The following CHD1L variants were observed in gnomAD, a reference collection of about 807,000 sequenced individuals.
CHD1L encodes chromodomain helicase DNA binding protein 1 like.
A neutral mutation model predicts 115.9 loss-of-function variants in CHD1L; 118 were observed. The ratio of observed to expected loss-of-function variants is 1.02; its 90% CI spans 0.88 to 1.19. CHD1L has a LOEUF of 1.19. CHD1L is among the 50% of genes most tolerant of loss of function. The pLI is 0.00. For synonymous variants in CHD1L, 411 were observed against 387.1 expected, an observed-to-expected ratio of 1.06 and a Z score of -0.72; for missense variants, 1,179 against 1,065.3, an observed-to-expected ratio of 1.11 and a Z score of -1.49.
At chr1:147,290,492 TTGA>T (rs1353939857) in intron 19 of CHD1L, among the ~76,000 whole-genome samples, 2 of 152,178 alleles carry the variant, frequency 1.3e-5, no homozygotes, top group African/African-American at 2.4e-5. Flanking sequence ...GGGCAGGCAG[TTGA>T]TGAGCAGATG....
chr1:147,215,886 A>G, the CHD1L span: 3 of 1,613,026 alleles, frequency 1.9e-6, no homozygotes, highest in African/African-American at 1.3e-5. Context: ...TCATCTCTTT[A>G]GAAGTATTGA....
intron 18 of CHD1L, among the ~76,000 whole-genome samples, 190 bp from the exon 19 acceptor site, chr1:147,287,445 G>A (rs1335944983): frequency 1.3e-5 from 2 of 152,172 alleles, no homozygotes; most frequent in African/African-American, 4.8e-5. Context: ...CATGGCCCCA[G>A]CTATATCTTC....
At chr1:147,213,945 C>T in the CHD1L span, among the ~76,000 whole-genome samples, 2 of 152,132 alleles carry the variant, frequency 1.3e-5, no homozygotes, top group African/African-American at 4.8e-5. Flanking sequence ...AGAAAAACAC[C>T]TCAGTGGCTC....
rs1553937318 is a variant in CHD1L at position 147,252,721 on chromosome 1, G to T, written c.226G>T (p.Gly76Trp). 1.2e-6 allele frequency: 2 copies of T among 1,613,628 alleles called. No individual in the cohort carries two copies. The highest frequency in any genetic ancestry group is 3.3e-5 in the Admixed American group (2 of 60,018). ...GCILGDEMGL[G>W]KTCQTIALFI... is the part of the protein sequence containing the mutation. ...TATCCTGGGAGATGAGATGGGCCTG[G>T]GGAAGACCTGCCAGGTGTGTTACTA... The change falls in exon 2 of 23, where the codon GGG becomes TGG. Residue 76 changes from glycine (G) to tryptophan (W), a missense_variant. Coordinates refer to ENST00000369258, the MANE Select transcript of CHD1L (RefSeq NM_004284.6).
At chr1:147,289,870 G>A (rs1204726164) in intron 19 of CHD1L, among the ~76,000 whole-genome samples, 2 of 152,176 alleles carry the variant, frequency 1.3e-5, no homozygotes. Context: ...TCAGCGGCTT[G>A]GGCCACATCA....
chr1:147,179,615 G>A, the CHD1L span: 2 of 1,563,154 alleles, frequency 1.3e-6, no homozygotes, highest in African/African-American at 2.7e-5. Flanking sequence ...AGAAGGCACA[G>A]GAGGATCTCT....
the CHD1L span, chr1:147,212,412 A>G: frequency 6.2e-7 from 1 of 1,614,062 alleles, no homozygotes; most frequent in Non-Finnish European, 8.5e-7. Flanking sequence ...TGTTTGGCTA[A>G]TCTCTACAGC....
intron 12 of CHD1L, 180 bp downstream of exon 12, chr1:147,272,461 C>A: frequency 2.0e-6 from 1 of 497,518 alleles, no homozygotes; most frequent in South Asian, 3.5e-5. Flanking sequence ...TCCAAACTGT[C>A]ATCTCAGCAA....
the CHD1L span, among the ~76,000 whole-genome samples, chr1:147,228,334 T>G: frequency 1.3e-5 from 2 of 152,160 alleles, no homozygotes; most frequent in Non-Finnish European, 2.9e-5. Context: ...ACAAAGGACA[T>G]GAACTCATCA....
chr1:147,204,372 G>T, the CHD1L span: 1 of 1,033,356 alleles, frequency 9.7e-7, no homozygotes, highest in Non-Finnish European at 1.5e-6. Context: ...AAATAGATAC[G>T]CATGCCTGAA....
At chr1:147,235,375 G>A in the CHD1L span, among the ~76,000 whole-genome samples, 2 of 152,180 alleles carry the variant, frequency 1.3e-5, no homozygotes, top group South Asian at 4.2e-4. Context: ...TTAGTTTCTT[G>A]TGAAAAAATT....
chr1:147,204,833 G>T, the CHD1L span: 2 of 1,603,030 alleles, frequency 1.2e-6, no homozygotes, highest in East Asian at 4.5e-5. Context: ...TTGCAAGCTT[G>T]TATGTTTCTA....
At chr1:147,242,151 G>A (rs782465960), upstream of CHD1L, among the ~76,000 whole-genome samples, 1 of 152,140 alleles carries the variant, frequency 6.6e-6, no homozygotes. Flanking sequence ...CTGCCACAAT[G>A]ACGTCTTTGG....
intron 9 of CHD1L, 51 bp downstream of exon 9, chr1:147,267,569 G>A (rs1559796843): frequency 4.2e-6 from 6 of 1,413,136 alleles, no homozygotes; most frequent in Non-Finnish European, 5.9e-6. Flanking sequence ...TGTTTCTGTG[G>A]CCAAATCATA....
chr1:147,276,151 T>C lies in CHD1L; in HGVS notation c.1433T>C (p.Ile478Thr), dbSNP rs143311857. 5 of 1,614,000 alleles carry C rather than the reference T, an allele frequency of 3.1e-6. No individual in the cohort carries two copies. Among genetic ancestry groups the C allele is most frequent in the Admixed American group, 1.7e-5 (1 of 60,010 alleles). ...RLIGRDTVEE[I>T]VYRKAASKLQ... is the part of the protein sequence containing the mutation. ...ATTGGTCGAGACACTGTGGAAGAAA[T>C]AGTCTATAGGAAAGCAGCCTCCAAA... The change falls in exon 14 of 23, where the codon ATA becomes ACA. Residue 478 changes from isoleucine (I) to threonine (T), a missense_variant. Ile to Thr is a moderately conservative substitution (Grantham distance 89). Transcript: ENST00000369258.
At chr1:147,268,975 C>CTTT in intron 10 of CHD1L, 97 bp downstream of exon 10, 12 of 712,614 alleles carry the variant, frequency 1.7e-5, no homozygotes, top group Admixed American at 2.9e-5. Context: ...TTCCAGTTTT[C>CTTT]TTTTTTTTCT....
the CHD1L span, among the ~76,000 whole-genome samples, chr1:147,229,414 T>C: frequency 2.0e-5 from 3 of 152,152 alleles, no homozygotes; most frequent in Non-Finnish European, 2.9e-5. Context: ...TACTGTAGCC[T>C]TGTAGTATAG....
At chr1:147,261,872 C>T (rs1553944340) in intron 6 of CHD1L, among the ~76,000 whole-genome samples, 1 of 149,254 alleles carries the variant, frequency 6.7e-6, no homozygotes, top group African/African-American at 2.5e-5. Context: ...TTTTTTATTT[C>T]CCCCTAATAT....
chr1:147,225,037 C>G, the CHD1L span: 1 of 1,614,078 alleles, frequency 6.2e-7, no homozygotes, highest in East Asian at 2.2e-5. Context: ...CATGGTCTCC[C>G]GAGATCTTCA....
Sources: gnomAD v4.1 joint callset for allele counts (sites outside exome capture counted in the v4.1 genomes callset) on GRCh38, gnomAD v4.1.1 for gene constraint, MANE v1.5 for transcripts, NCBI Gene and HGNC (gene_info 2026-07-23, HGNC 2026-07-21) for gene names.